Variants in SERPINE3 observed in about 807,000 individuals in gnomAD.
The protein encoded by SERPINE3 is serpin E3.
A neutral mutation model predicts 41.7 loss-of-function variants in SERPINE3; 43 were observed. The observed-to-expected ratio is 1.03, with a 90% CI of 0.81 to 1.33. The LOEUF (loss-of-function observed/expected upper bound fraction) is 1.33. Among genes scored for constraint, SERPINE3 ranks in the 40% most tolerant of loss-of-function variants. The pLI, the probability that SERPINE3 is intolerant of heterozygous loss-of-function variation, is 0.00. For synonymous variants in SERPINE3, 200 were observed against 192.2 expected (o/e 1.04, Z -0.34); for missense variants, 440 against 491.7 (o/e 0.89, Z 0.99).
chr13:51,348,689 C>A (rs576989487), intron 6 of SERPINE3: 186 of 410,604 alleles, frequency 4.5e-4, no homozygotes, highest in Admixed American at 1.2e-3. Flanking sequence ...GAATGGAGCC[C>A]CCCAGGACCC....
At chr13:51,354,360 CAT>C (rs1278970782) in intron 6 of SERPINE3, 2 of 152,116 alleles carry the variant, frequency 1.3e-5, no homozygotes, top group African/African-American at 2.4e-5. Context: ...ATAATAATAA[CAT>C]AGTTATATGA....
Position 51,344,371 on chromosome 13 carries a change from T to C in SERPINE3, c.376T>C (p.Cys126Arg). Residue 126 changes from cysteine to arginine, a missense_variant, in exon 4 of 10, where the codon TGC becomes CGC. Cys to Arg is a radical substitution (Grantham distance 180). Coordinates refer to ENST00000681248, the MANE Select transcript of SERPINE3 (RefSeq NM_001386375.1). ...GCAAGTGGGAACGCCACTGTCCCCCTGCTTTGTGGAGCACGTCTCCTGGTG... is the reference window on the plus strand; with the variant it reads ...GCAAGTGGGAACGCCACTGTCCCCCCGCTTTGTGGAGCACGTCTCCTGGTG... ...FVQVGTPLSP[C>R]FVEHVSWWAN... 1.2e-6 allele frequency: 2 copies of C among 1,613,532 alleles called. No individual in the cohort carries two copies. Among genetic ancestry groups the C allele is most frequent in the South Asian group, 1.1e-5 (1 of 90,920 alleles).
chr13:51,345,367 G>A (rs998758614), intron 4 of SERPINE3, among the ~76,000 whole-genome samples: 4 of 152,034 alleles, frequency 2.6e-5, no homozygotes, highest in Admixed American at 2.6e-4. Context: ...TGCCAAGGCG[G>A]GCAGATCACG....
chr13:51,347,036 A>C lies in SERPINE3; in HGVS notation c.502A>C (p.Ser168Arg). 6.3e-7 allele frequency: 1 copy of C among 1,581,996 alleles called. No individual in the cohort carries two copies. Among genetic ancestry groups the C allele is most frequent in the Non-Finnish European group, 8.6e-7 (1 of 1,163,468 alleles). The change falls in exon 5 of 10, where the codon AGT becomes CGT. Residue 168 changes from serine (S) to arginine (R), a missense_variant. Transcript: ENST00000681248. ...TTTCCTGCTTGCAGGTGGGGGCCCC[A>C]GTGAGGGCCCTGGTGGCTGGCCGTG... Reference protein sequence around the residue: ...ASRETAGGGPSEGPGGWPWEQ... With the variant: ...ASRETAGGGPREGPGGWPWEQ...
At chr13:51,362,124 A>G in intron 9 of SERPINE3, 1 of 1,378,436 alleles carries the variant, frequency 7.3e-7, no homozygotes, top group Non-Finnish European at 9.5e-7. Context: ...CAGCTCATAT[A>G]TAGTTAATGT....
intron 5 of SERPINE3, among the ~76,000 whole-genome samples, chr13:51,347,634 C>T (rs9568576): frequency 0.023 from 3,543 of 152,194 alleles, 59 homozygotes; most frequent in South Asian, 0.057. Flanking sequence ...TTCAGTTATC[C>T]GCATCAGAAA....
chr13:51,345,788 T>A (rs1294761875), intron 4 of SERPINE3, among the ~76,000 whole-genome samples: 3 of 152,224 alleles, frequency 2.0e-5, no homozygotes, highest in Non-Finnish European at 4.4e-5. Context: ...AATTCCCTGC[T>A]CACATCCTTG....
At chr13:51,348,848 G>GTCCC (rs1439076333) in intron 6 of SERPINE3, among the ~76,000 whole-genome samples, 3 of 150,444 alleles carry the variant, frequency 2.0e-5, no homozygotes, top group African/African-American at 4.9e-5. Context: ...ACGTAATTGA[G>GTCCC]CAAGTACAGA....
At chr13:51,361,692 C>T (rs1037757881) in intron 8 of SERPINE3, 118 bp from the exon 9 acceptor site, 1 of 893,162 alleles carries the variant, frequency 1.1e-6, no homozygotes, top group African/African-American at 1.7e-5. Context: ...CAACAGTAAA[C>T]AATCAAATGC....
chr13:51,361,603 T>G, intron 8 of SERPINE3: 1 of 589,662 alleles, frequency 1.7e-6, no homozygotes, highest in South Asian at 2.3e-5. Flanking sequence ...ATTTATTCCA[T>G]GGAATGTGTT....
Position 51,361,791 on chromosome 13 carries a change from T to G in SERPINE3, c.1088-19T>G. The G allele has an allele frequency of 6.4e-7, 1 of 1,567,644 alleles. No individual in the cohort carries two copies. The highest frequency in any genetic ancestry group is 8.6e-7 in the Non-Finnish European group (1 of 1,161,968). On this transcript the variant is annotated intron_variant, in intron 8 of 9. Transcript: ENST00000681248. ...AAATGCACAGAAAATGCAATGGAATTTTTCTTTCTTTCCTGCAGCTCTGTT... is the reference window on the plus strand; with the variant it reads ...AAATGCACAGAAAATGCAATGGAATGTTTCTTTCTTTCCTGCAGCTCTGTT...
intron 6 of SERPINE3, among the ~76,000 whole-genome samples, chr13:51,353,275 A>C (rs1955427885): frequency 6.6e-6 from 1 of 152,212 alleles, no homozygotes; most frequent in South Asian, 2.1e-4. Context: ...AATAGCCCTT[A>C]ATTAACTCTT....
rs549691032 is a variant in SERPINE3, at chr13:51,348,976, G to A, written c.899+565G>A. 3.3e-5 allele frequency among the ~76,000 whole-genome samples: 5 copies of A among 152,244 alleles called. No individual in the cohort carries two copies. The South Asian group carries it at 8.3e-4, about 25-fold the overall frequency. On this transcript the variant is annotated intron_variant, in intron 6 of 9. Transcript: ENST00000681248. ...ACTCTCCTTTAAGAAGACCCAATAGGTACAAATACAAATCAAAAAGTGAAG... is the reference window on the plus strand; with the variant it reads ...ACTCTCCTTTAAGAAGACCCAATAGATACAAATACAAATCAAAAAGTGAAG...
intron 4 of SERPINE3, among the ~76,000 whole-genome samples, chr13:51,345,632 A>G (rs1056979251): frequency 2.7e-5 from 4 of 150,308 alleles, no homozygotes; most frequent in Admixed American, 2.6e-4. Context: ...ATAGGAAGTG[A>G]TATGTATACT....
chr13:51,351,207 C>CA (rs1276844444), intron 6 of SERPINE3, among the ~76,000 whole-genome samples: 1 of 152,180 alleles, frequency 6.6e-6, no homozygotes, highest in Non-Finnish European at 1.5e-5. Flanking sequence ...CTACATTTTA[C>CA]ATTTTGAAGA....
At chr13:51,345,810 C>T (rs1360141954) in intron 4 of SERPINE3, among the ~76,000 whole-genome samples, 2 of 152,200 alleles carry the variant, frequency 1.3e-5, no homozygotes, top group African/African-American at 4.8e-5. Flanking sequence ...GCTGCCAGGG[C>T]GTAAGGCCAG....
intron 4 of SERPINE3, among the ~76,000 whole-genome samples, chr13:51,346,509 T>A (rs2137774998): frequency 6.6e-6 from 1 of 152,292 alleles, no homozygotes; most frequent in East Asian, 1.9e-4. Flanking sequence ...TATAAACACA[T>A]ATCAATTTGC....
At chr13:51,352,943 G>A (rs547743712) in intron 6 of SERPINE3, among the ~76,000 whole-genome samples, 1 of 152,082 alleles carries the variant, frequency 6.6e-6, no homozygotes, top group South Asian at 2.1e-4. Context: ...TGCATTCCTG[G>A]GATAAATCCC....
At chr13:51,361,401 A>C in intron 8 of SERPINE3, 37 bp downstream of exon 8, 2 of 1,275,510 alleles carry the variant, frequency 1.6e-6, no homozygotes. Flanking sequence ...CTGCTTACCC[A>C]TATCTACCTT....
Sources: allele counts gnomAD v4.1 joint callset (sites outside exome capture counted in the v4.1 genomes callset), GRCh38; gene constraint gnomAD v4.1.1; transcripts MANE v1.5; gene names NCBI Gene and HGNC (gene_info 2026-07-23, HGNC 2026-07-21).